The following ZER1 variants were observed in gnomAD, a reference collection of about 807,000 sequenced individuals.
ZER1 encodes the protein protein zer-1 homolog.
Under a neutral mutation model 78.8 loss-of-function variants are expected in ZER1, and 11 were observed. That is an observed-to-expected ratio of 0.14 (90% CI 0.09 to 0.23). The LOEUF is 0.23. Ranked by LOEUF, ZER1 falls within the 10% of genes least tolerant of loss-of-function variation. The pLI is 1.00. For synonymous variants in ZER1, 400 were observed against 407.0 expected, an observed-to-expected ratio of 0.98 and a Z score of 0.21; for missense variants, 588 against 996.9, an observed-to-expected ratio of 0.59 and a Z score of 5.52.
intron 1 of ZER1, among the ~76,000 whole-genome samples, chr9:128,761,541 C>T (rs961919158): frequency 1.3e-4 from 19 of 151,312 alleles, no homozygotes; most frequent in Admixed American, 2.0e-4. Flanking sequence ...CCCGCCTCGC[C>T]TCCCAAAATG....
At chr9:128,737,588 G>T (rs1018871895) in intron 13 of ZER1, among the ~76,000 whole-genome samples, 9 of 152,236 alleles carry the variant, frequency 5.9e-5, no homozygotes, top group Admixed American at 1.3e-4. Flanking sequence ...ATTGATGCCA[G>T]CTTGACTTAA....
rs10121257 is a variant in ZER1 at position 128,761,094 on chromosome 9, C to T, written c.-94-5435G>A. 5.9e-3 allele frequency among the ~76,000 whole-genome samples: 822 copies of T among 139,526 alleles called. 6 individuals carry two copies. The highest frequency in any genetic ancestry group is 0.027 in the Middle Eastern group (7 of 258). The allele number at this position is 139,526 out of a possible 152,430, so 91.5% of individuals were successfully genotyped here. A position where few individuals can be genotyped will look rare whatever the true frequency, so the allele number is the denominator to read the frequency against. On this transcript the variant is annotated intron_variant, in intron 1 of 15. Coordinates refer to ENST00000291900, the MANE Select transcript of ZER1 (RefSeq NM_006336.4). ...AATGGTGTGAACCCGGGAGGCGGAG[C>T]TTGCAGTGAGCCGAGATCGCGCCAC...
At chr9:128,742,036 C>T (rs1863317937) in intron 9 of ZER1, among the ~76,000 whole-genome samples, 195 bp from the exon 10 acceptor site, 1 of 152,228 alleles carries the variant, frequency 6.6e-6, no homozygotes, top group Non-Finnish European at 1.5e-5. Flanking sequence ...ATTAGCAGGC[C>T]CGGGTGCCGT....
intron 9 of ZER1, among the ~76,000 whole-genome samples, chr9:128,742,194 C>A (rs984194832): frequency 6.6e-6 from 1 of 152,228 alleles, no homozygotes; most frequent in African/African-American, 2.4e-5. Context: ...ATCATCTCCC[C>A]ACTGGCCTCC....
At chr9:128,756,223 G>A (rs1414670007) in intron 1 of ZER1, among the ~76,000 whole-genome samples, 2 of 152,326 alleles carry the variant, frequency 1.3e-5, no homozygotes, top group East Asian at 1.9e-4. Flanking sequence ...CGAGGTGGGC[G>A]GATCACAAGG....
At chr9:128,735,142 G>A (rs960291256) in intron 14 of ZER1, among the ~76,000 whole-genome samples, 192 bp downstream of exon 14, 1 of 152,230 alleles carries the variant, frequency 6.6e-6, no homozygotes, top group Non-Finnish European at 1.5e-5. Flanking sequence ...TGCCAGGCCT[G>A]CTTCTGGTGA....
chr9:128,753,821 G>A lies in ZER1; in HGVS notation c.297C>T (p.Ala99=). Reference sequence around the variant, plus strand: ...GGGCAGGTCTCACCTGCTTGCGGATGGCCTCCAGGTCCTGGTCCTGCACCA... The same window carrying A: ...GGGCAGGTCTCACCTGCTTGCGGATAGCCTCCAGGTCCTGGTCCTGCACCA... The part of the protein sequence containing the change: ...EDLVQDQDLE[A]IRKQDLVELY... The change falls in exon 3 of 16, where the codon GCC becomes GCT. Residue 99 remains alanine, a synonymous_variant. Transcript: ENST00000291900. The surrounding 1 kb of genome is among the most constrained non-coding windows in gnomAD (Gnocchi z 7.5). The A allele has an allele frequency of 6.3e-7, 1 of 1,594,922 alleles. No homozygotes were observed. Among genetic ancestry groups the A allele is most frequent in the Non-Finnish European group, 8.5e-7 (1 of 1,171,562 alleles).
At chr9:128,742,057 C>T (rs1004064754) in intron 9 of ZER1, among the ~76,000 whole-genome samples, 1 of 152,226 alleles carries the variant, frequency 6.6e-6, no homozygotes, top group Non-Finnish European at 1.5e-5. Flanking sequence ...TCCTGGCCCT[C>T]GGGTGACTCC....
Position 128,753,256 on chromosome 9 carries a change from G to A in ZER1, c.654C>T (p.Thr218=), listed in dbSNP as rs562471979. The change falls in exon 4 of 16, where the codon ACC becomes ACT. Residue 218 remains threonine (T), a synonymous_variant. Coordinates refer to ENST00000291900, the MANE Select transcript of ZER1 (RefSeq NM_006336.4). The surrounding 1 kb of genome is among the most constrained non-coding windows in gnomAD (Gnocchi z 7.5). ...GGGACACCAGGCTGTCTTTCCACTG[G>A]GTGAGGAAGGCGGCGTCGCTCGTCT... The part of the protein sequence containing the change: ...GIQTSDAAFL[T]QWKDSLVSLV... 2 of 1,600,216 alleles carry A rather than the reference G, an allele frequency of 1.2e-6. No homozygotes were observed. Among genetic ancestry groups the A allele is most frequent in the Admixed American group, 1.7e-5 (1 of 57,674 alleles).
chr9:128,763,160 C>A (rs2132480289), intron 1 of ZER1, among the ~76,000 whole-genome samples: 1 of 152,332 alleles, frequency 6.6e-6, no homozygotes, highest in East Asian at 1.9e-4. Context: ...CTTCTCCCCT[C>A]CCCTACCCAA....
Position 128,751,573 on chromosome 9 carries a change from G to C in ZER1, c.924-46C>G. 2 of 1,542,266 alleles carry C rather than the reference G, an allele frequency of 1.3e-6. No homozygotes were observed. The highest frequency in any genetic ancestry group is 8.9e-7 in the Non-Finnish European group (1 of 1,123,730). The stretch of plus-strand genomic sequence containing the variant: ...TGTCAGTGGCTTGGGACCCAGGCCT[G>C]AGCTGGGCCTCCCCACTGGGGGTGG... On this transcript the variant is annotated intron_variant, in intron 5 of 15. Transcript: ENST00000291900. This position sits in a 1 kb window ranked among gnomAD's most constrained non-coding sequence, Gnocchi z 5.4.
At chr9:128,758,478 G>A (rs938496537) in intron 1 of ZER1, among the ~76,000 whole-genome samples, 1 of 151,584 alleles carries the variant, frequency 6.6e-6, no homozygotes, top group Non-Finnish European at 1.5e-5. Context: ...GAGTGCAGTG[G>A]TGTGATCTTG....
chr9:128,752,960 C>T, intron 4 of ZER1, 111 bp from the exon 5 acceptor site: 3 of 1,409,402 alleles, frequency 2.1e-6, no homozygotes, highest in Non-Finnish European at 1.9e-6. Context: ...CCTGCCACAA[C>T]TTCCCCAGGG....
At chr9:128,769,114 T>C (rs1191841215) in intron 1 of ZER1, among the ~76,000 whole-genome samples, 2 of 152,162 alleles carry the variant, frequency 1.3e-5, no homozygotes, top group Non-Finnish European at 2.9e-5. Flanking sequence ...TAACGTCTTC[T>C]CTGCAGAATA....
At chr9:128,737,478 G>C (rs1001430877) in intron 13 of ZER1, among the ~76,000 whole-genome samples, 2 of 152,198 alleles carry the variant, frequency 1.3e-5, no homozygotes, top group African/African-American at 2.4e-5. Context: ...CAACTGAAAT[G>C]TCCATCTGTA....
At chr9:128,742,836 G>C (rs1863349979) in intron 8 of ZER1, 91 bp from the exon 9 acceptor site, 1 of 1,341,984 alleles carries the variant, frequency 7.5e-7, no homozygotes, top group Admixed American at 2.3e-5. Flanking sequence ...AGCTCATCCA[G>C]AGTTGTGGCA....
chr9:128,751,056 C>A lies in ZER1; in HGVS notation c.1185+66G>T. On this transcript the variant is annotated intron_variant, in intron 7 of 15. Coordinates refer to ENST00000291900, the MANE Select transcript of ZER1 (RefSeq NM_006336.4). This position sits in a 1 kb window ranked among gnomAD's most constrained non-coding sequence, Gnocchi z 5.4. ...GGACACAGGCTCTGGGGACACGGCT[C>A]AGCCAAGCCCGGCAACCTCCAGGTG... is the stretch of plus-strand genomic sequence containing the variant. 6.6e-7 allele frequency: 1 copy of A among 1,524,634 alleles called. No homozygotes were observed. Among genetic ancestry groups the A allele is most frequent in the South Asian group, 1.3e-5 (1 of 78,798 alleles). The allele number at this position is 1,524,634 out of a possible 1,614,324, so 94.4% of individuals were successfully genotyped here. A position where few individuals can be genotyped will look rare whatever the true frequency, so the allele number is the denominator to read the frequency against.
intron 1 of ZER1, among the ~76,000 whole-genome samples, chr9:128,763,022 T>C (rs1283060554): frequency 6.6e-6 from 1 of 152,174 alleles, no homozygotes; most frequent in East Asian, 1.9e-4. Context: ...CAGCCTGGCC[T>C]CATCATTCAC....
chr9:128,740,905 A>G lies in ZER1; in HGVS notation c.1738-18T>C. On this transcript the variant is annotated intron_variant, in intron 11 of 15. Coordinates refer to ENST00000291900, the MANE Select transcript of ZER1 (RefSeq NM_006336.4). This position sits in a 1 kb window ranked among gnomAD's most constrained non-coding sequence, Gnocchi z 4.4. ...GGGAATTCCTGGGAAAAGGAGAGCC[A>G]ATGGGCCGCATCAATTAGTACTTAA... 1.3e-6 allele frequency: 1 copy of G among 780,306 alleles called. No homozygotes were observed. The highest frequency in any genetic ancestry group is 2.4e-6 in the Non-Finnish European group (1 of 417,814). The allele number at this position is 780,306 out of a possible 1,614,324, so 48.3% of individuals were successfully genotyped here.
Sources: gnomAD v4.1 joint callset for allele counts (sites outside exome capture counted in the v4.1 genomes callset) on GRCh38, gnomAD v4.1.1 for gene constraint, Gnocchi (gnomAD v3.1) non-coding constraint, MANE v1.5 for transcripts, NCBI Gene and HGNC (gene_info 2026-07-23, HGNC 2026-07-21) for gene names.